NOVA2: variants seen among roughly 807,000 people sequenced by gnomAD.
NOVA2 encodes RNA-binding protein Nova-2.
NOVA2 carries 9 observed loss-of-function variants against 22.5 expected under a neutral mutation model. That is an observed-to-expected ratio of 0.40 (90% confidence interval 0.24 to 0.70). The LOEUF (loss-of-function observed/expected upper bound fraction) is 0.70. Ranked by LOEUF, NOVA2 falls within the 30% of genes least tolerant of loss-of-function variation. The pLI is 0.38. For synonymous variants in NOVA2, 318 were observed against 335.2 expected (o/e 0.95, Z 0.56); for missense variants, 383 against 682.8 (o/e 0.56, Z 4.89).
chr19:45,971,513 A>G (rs1968231700), intron 1 of NOVA2, among the ~76,000 whole-genome samples: 1 of 151,876 alleles, frequency 6.6e-6, no homozygotes, highest in Admixed American at 6.6e-5. Context: ...CTTTCCTCCA[A>G]TTTCTGCTGG....
chr19:45,958,411 T>G lies in NOVA2; in HGVS notation c.229+2599A>C, dbSNP rs974985757. On this transcript the variant is annotated intron_variant, in intron 2 of 3. Coordinates refer to ENST00000263257, the MANE Select transcript of NOVA2 (RefSeq NM_002516.4). ...TGTGGGAGCATGTGTGTGAGTGGGG[T>G]GTGTGTGAGTGTGAATGAGTGTGAG... 7.5e-5 allele frequency among the ~76,000 whole-genome samples: 11 copies of G among 145,914 alleles called. No homozygotes were observed. The East Asian group carries it at 1.2e-3, about 16-fold the overall frequency.
In NOVA2 at chr19:45,945,163, T is replaced by C. The variant is rs189300175; in HGVS notation, c.397-4218A>G. ...CTACAAAAAATAAAAATAAATTAGC[T>C]GGATGCAGTGGTGTGCACCTGTCGT... On this transcript the variant is annotated intron_variant, in intron 3 of 3. Coordinates refer to ENST00000263257, the MANE Select transcript of NOVA2 (RefSeq NM_002516.4). Among the ~76,000 whole-genome samples the C allele has an allele frequency of 3.2e-3, 491 of 151,992 alleles. 4 individuals carry two copies. Among genetic ancestry groups the C allele is most frequent in the African/African-American group, 0.011 (460 of 41,480 alleles).
chr19:45,960,697 C>G (rs907113890), intron 2 of NOVA2, among the ~76,000 whole-genome samples: 2 of 152,126 alleles, frequency 1.3e-5, no homozygotes, highest in Non-Finnish European at 2.9e-5. Flanking sequence ...CACCTGCCTC[C>G]CTCCCCACCC....
intron 2 of NOVA2, among the ~76,000 whole-genome samples, chr19:45,958,703 G>A (rs1482906804): frequency 6.6e-6 from 1 of 152,122 alleles, no homozygotes; most frequent in Non-Finnish European, 1.5e-5. Context: ...ACTAGGCCCA[G>A]AGTGCCCTTT....
chr19:45,956,024 T>A (rs935330135), intron 2 of NOVA2, among the ~76,000 whole-genome samples: 44 of 152,164 alleles, frequency 2.9e-4, no homozygotes, highest in Middle Eastern at 3.2e-3. Context: ...CAATTGCCAT[T>A]TCCCAGTCTG....
intron 3 of NOVA2, among the ~76,000 whole-genome samples, chr19:45,944,080 T>C (rs1304984847): frequency 6.6e-6 from 1 of 152,236 alleles, no homozygotes; most frequent in African/African-American, 2.4e-5. Flanking sequence ...TTAGCTATGC[T>C]TAGGTGTGAG....
At chr19:45,969,698 T>A (rs1225530038) in intron 1 of NOVA2, among the ~76,000 whole-genome samples, 1 of 152,000 alleles carries the variant, frequency 6.6e-6, no homozygotes, top group African/African-American at 2.4e-5. Flanking sequence ...AGAGTTACGA[T>A]CTGTATCAAG....
chr19:45,945,535 G>A (rs1019081468), intron 3 of NOVA2, among the ~76,000 whole-genome samples: 1 of 151,938 alleles, frequency 6.6e-6, no homozygotes, highest in African/African-American at 2.4e-5. Context: ...GTACTTCTGG[G>A]CTCAAGTGAT....
Position 45,939,891 on chromosome 19 carries a change from C to T in NOVA2, c.1451G>A (p.Arg484Lys). The change falls in exon 4 of 4, where the codon AGG becomes AAG. Residue 484 changes from arginine to lysine, a missense_variant. Arg to Lys is a conservative substitution (Grantham distance 26). Transcript: ENST00000263257. Reference protein sequence around the residue: ...SQRVTYEQGVRASNPQKVG With the variant: ...SQRVTYEQGVKASNPQKVG ...TCCCACTTTCTGGGGGTTTGAGGCCCTCACTCCCTGCTCGTAGGTGACCCG... is the reference window on the plus strand; with the variant it reads ...TCCCACTTTCTGGGGGTTTGAGGCCTTCACTCCCTGCTCGTAGGTGACCCG... 1 of 1,614,172 alleles carries T rather than the reference C, an allele frequency of 6.2e-7. No homozygotes were observed.
At chr19:45,943,220 A>AT (rs975246474) in intron 3 of NOVA2, among the ~76,000 whole-genome samples, 47 of 150,550 alleles carry the variant, frequency 3.1e-4, no homozygotes, top group African/African-American at 1.1e-3. Context: ...TGCCCAGCTA[A>AT]TTTTTTTGTA....
Position 45,964,561 on chromosome 19 carries a change from A to ATCTCTCTCTCTCTCTCTCTCTCTCTC in NOVA2, c.86-3409_86-3408insGAGAGAGAGAGAGAGAGAGAGAGAGA, listed in dbSNP as rs141748431. Among the ~76,000 whole-genome samples, 556 of 137,052 alleles carry ATCTCTCTCTCTCTCTCTCTCTCTCTC rather than the reference A, an allele frequency of 4.1e-3. 8 individuals carry two copies. The highest frequency in any genetic ancestry group is 7.0e-3 in the Middle Eastern group (2 of 286). The allele number at this position is 137,052 out of a possible 152,430, so 89.9% of individuals were successfully genotyped here. A position where few individuals can be genotyped will look rare whatever the true frequency, so the allele number is the denominator to read the frequency against. On this transcript the variant is annotated intron_variant, in intron 1 of 3. Transcript: ENST00000263257. Reference sequence around the variant, plus strand: ...AGAGAAACTGCTCTAACACTCTCTGATCTCTCTCTCTCTCTCTCTCTCTTT... The same window carrying ATCTCTCTCTCTCTCTCTCTCTCTCTC: ...AGAGAAACTGCTCTAACACTCTCTGATCTCTCTCTCTCTCTCTCTCTCTCTCTCTCTCTCTCTCTCTCTCTCTCTTT...
chr19:45,953,369 G>A (rs1967955180), intron 3 of NOVA2, among the ~76,000 whole-genome samples: 1 of 152,196 alleles, frequency 6.6e-6, no homozygotes, highest in Non-Finnish European at 1.5e-5. Context: ...GAGGATGAGA[G>A]GCCATTTGTA....
At chr19:45,946,422 A>G (rs1044478736) in intron 3 of NOVA2, among the ~76,000 whole-genome samples, 1 of 152,240 alleles carries the variant, frequency 6.6e-6, no homozygotes, top group Non-Finnish European at 1.5e-5. Flanking sequence ...GCTATAAAAG[A>G]TATTTTAGGG....
chr19:45,960,912 C>T, intron 2 of NOVA2, 98 bp downstream of exon 2: 1 of 1,298,364 alleles, frequency 7.7e-7, no homozygotes, highest in South Asian at 1.4e-5. Flanking sequence ...CTGTCACTGT[C>T]CTTAGGGCAG....
chr19:45,949,321 C>CAA (rs11320511), intron 3 of NOVA2, among the ~76,000 whole-genome samples: 38 of 126,678 alleles, frequency 3.0e-4, no homozygotes, highest in African/African-American at 1.1e-3. Flanking sequence ...GCTGTTATTT[C>CAA]AAAAAAAAAA....
rs753837806 is a variant in NOVA2 at position 45,940,591 on chromosome 19, C to T, written c.751G>A (p.Gly251Ser). The change falls in exon 4 of 4, where the codon GGC (glycine) becomes AGC (serine). Residue 251 changes from glycine (G) to serine (S), a missense_variant. Transcript: ENST00000263257. Reference sequence around the variant, plus strand: ...GCCAGCCCGGCGGGGCCCAGCAGGCCGGAGGCGGCGGCGGCCGACGCTGCG... The same window carrying T: ...GCCAGCCCGGCGGGGCCCAGCAGGCTGGAGGCGGCGGCGGCCGACGCTGCG... ...AAAASAAAAS[G>S]LLGPAGLAGV... is the part of the protein sequence containing the mutation. 10 of 1,422,036 alleles carry T rather than the reference C, an allele frequency of 7.0e-6. No individual in the cohort carries two copies. In the African/African-American group the frequency reaches 1.2e-4, roughly 17 times the overall value. 88.1% of individuals were successfully genotyped at this position (1,422,036 alleles called of 1,614,324 possible).
In NOVA2 at chr19:45,954,394, G is replaced by A. The variant is rs563270179; in HGVS notation, c.230-448C>T. The stretch of plus-strand genomic sequence containing the variant: ...CTGGAACCCCCTTATCGGTCTGGCT[G>A]GCCGGGTCCTCAGCCCACCCCCAGG... On this transcript the variant is annotated intron_variant, in intron 2 of 3. Coordinates refer to ENST00000263257, the MANE Select transcript of NOVA2 (RefSeq NM_002516.4). Among the ~76,000 whole-genome samples the A allele has an allele frequency of 2.0e-5, 3 of 152,340 alleles. No homozygotes were observed. In the East Asian group the frequency reaches 5.8e-4, roughly 29 times the overall value.
rs1967721372 is a variant in NOVA2, at chr19:45,940,013, G to A, written c.1329C>T (p.Ser443=). 1 of 1,614,104 alleles carries A rather than the reference G, an allele frequency of 6.2e-7. No homozygotes were observed. Among genetic ancestry groups the A allele is most frequent in the Non-Finnish European group, 8.5e-7 (1 of 1,179,972 alleles). ...QELTGARIQI[S]KKGEFLPGTR... is the part of the protein sequence containing the mutation. ...TGCCTGGCAGGAACTCGCCCTTCTT[G>A]GAGATCTGGATGCGAGCGCCCGTCA... The change falls in exon 4 of 4, where the codon TCC becomes TCT. Residue 443 remains serine, a synonymous_variant. Transcript: ENST00000263257.
chr19:45,954,880 GT>G (rs1294223131), intron 2 of NOVA2, among the ~76,000 whole-genome samples: 1 of 151,658 alleles, frequency 6.6e-6, no homozygotes, highest in Admixed American at 6.6e-5. Flanking sequence ...GTGTGTGTGT[GT>G]GTGTGTGTGT....
Sources: gnomAD v4.1 joint callset for allele counts (sites outside exome capture counted in the v4.1 genomes callset) on GRCh38, gnomAD v4.1.1 for gene constraint, MANE v1.5 for transcripts, NCBI Gene and HGNC (gene_info 2026-07-23, HGNC 2026-07-21) for gene names.